KLHDC10: variants seen among roughly 807,000 people sequenced by gnomAD.
The protein encoded by KLHDC10 is kelch domain-containing protein 10.
Under a neutral mutation model 56.1 loss-of-function variants are expected in KLHDC10, and 24 were observed. The observed-to-expected ratio is 0.43, with a 90% CI of 0.31 to 0.60. The LOEUF is 0.60. KLHDC10 is among the 20% of genes least tolerant of loss of function. KLHDC10 has a pLI of 0.11. For synonymous variants in KLHDC10, 188 were observed against 207.1 expected, an observed-to-expected ratio of 0.91 and a Z score of 0.79; for missense variants, 349 against 567.0, an observed-to-expected ratio of 0.62 and a Z score of 3.91.
At chr7:130,082,083 C>T (rs752535721) in intron 1 of KLHDC10, among the ~76,000 whole-genome samples, 5 of 152,236 alleles carry the variant, frequency 3.3e-5, no homozygotes, top group African/African-American at 4.8e-5. Context: ...AAGGCCGAGG[C>T]GGGCAAAAAG....
chr7:130,103,647 C>CAT (rs1349657992), intron 2 of KLHDC10, among the ~76,000 whole-genome samples: 1 of 152,116 alleles, frequency 6.6e-6, no homozygotes, highest in Non-Finnish European at 1.5e-5. Flanking sequence ...AAGATAAATG[C>CAT]CTTCAGTGTT....
chr7:130,118,445 A>G (rs1452413325), intron 3 of KLHDC10, among the ~76,000 whole-genome samples: 2 of 152,190 alleles, frequency 1.3e-5, no homozygotes, highest in South Asian at 2.1e-4. Flanking sequence ...GCCTAAAGGG[A>G]ATGTTGTAGT....
intron 3 of KLHDC10, among the ~76,000 whole-genome samples, chr7:130,118,690 C>T (rs61058890): frequency 0.12 from 18,341 of 152,120 alleles, 1,300 homozygotes; most frequent in East Asian, 0.31. Flanking sequence ...AAGTTAGATA[C>T]GGTAGACTCT....
intron 2 of KLHDC10, among the ~76,000 whole-genome samples, chr7:130,099,389 C>T (rs1010503633): frequency 1.3e-5 from 2 of 152,122 alleles, no homozygotes; most frequent in East Asian, 1.9e-4. Flanking sequence ...GGTAAACAGA[C>T]AATTACAGAA....
chr7:130,091,912 T>C (rs551825769), intron 1 of KLHDC10, among the ~76,000 whole-genome samples: 19 of 152,346 alleles, frequency 1.2e-4, no homozygotes, highest in Non-Finnish European at 2.2e-4. Flanking sequence ...GGCCCTTGCA[T>C]ATAAAAAAAT....
chr7:130,072,198 A>T (rs961287640), intron 1 of KLHDC10, among the ~76,000 whole-genome samples: 1 of 152,192 alleles, frequency 6.6e-6, no homozygotes, highest in African/African-American at 2.4e-5. Context: ...ATCTCTTAGC[A>T]AACACTGTCA....
intron 1 of KLHDC10, among the ~76,000 whole-genome samples, chr7:130,087,494 T>C (rs1405719514): frequency 6.6e-6 from 1 of 152,098 alleles, no homozygotes. Context: ...TAAGACTAGA[T>C]AGTGAAGTGA....
intron 8 of KLHDC10, 43 bp downstream of exon 8, chr7:130,127,494 T>A: frequency 7.3e-7 from 1 of 1,368,188 alleles, no homozygotes; most frequent in Non-Finnish European, 1.0e-6. Flanking sequence ...TCTGTAATTG[T>A]ATCTTCTGAA....
At chr7:130,074,517 G>A (rs1243698954) in intron 1 of KLHDC10, among the ~76,000 whole-genome samples, 1 of 151,924 alleles carries the variant, frequency 6.6e-6, no homozygotes, top group Non-Finnish European at 1.5e-5. Context: ...TAACGCATTG[G>A]CATTATATAT....
chr7:130,125,365 A>G (rs1796300446), intron 6 of KLHDC10, among the ~76,000 whole-genome samples: 1 of 152,036 alleles, frequency 6.6e-6, no homozygotes. Flanking sequence ...AACATAGTGA[A>G]ACCCCATCTC....
Position 130,132,418 on chromosome 7 carries a change from A to T in KLHDC10, c.*1672A>T, listed in dbSNP as rs548067780. ...CATCTGGTGTTCAGTTCTGGGAAAG[A>T]GAAAACCGTAGCCTCCAGACATGCT... On this transcript the variant is annotated 3_prime_UTR_variant, in exon 10 of 10. Coordinates refer to ENST00000335420, the MANE Select transcript of KLHDC10 (RefSeq NM_014997.4). 3 of 152,258 alleles carry T rather than the reference A, an allele frequency of 2.0e-5. No homozygotes were observed. The South Asian group carries it at 6.2e-4, about 31-fold the overall frequency. 9.4% of individuals were successfully genotyped at this position (152,258 alleles called of 1,614,324 possible).
chr7:130,087,187 T>C (rs1241824761), intron 1 of KLHDC10, among the ~76,000 whole-genome samples: 1 of 152,228 alleles, frequency 6.6e-6, no homozygotes, highest in East Asian at 1.9e-4. Flanking sequence ...CCAGTTCTTT[T>C]TGTTACTAGT....
At chr7:130,126,058 G>T (rs1178289681) in intron 7 of KLHDC10, 127 bp downstream of exon 7, 1 of 689,326 alleles carries the variant, frequency 1.5e-6, no homozygotes, top group Non-Finnish European at 2.4e-6. Context: ...TGGGCGCATT[G>T]TCTCACGCCT....
intron 1 of KLHDC10, among the ~76,000 whole-genome samples, chr7:130,075,762 T>A (rs1795489400): frequency 6.6e-6 from 1 of 152,236 alleles, no homozygotes; most frequent in African/African-American, 2.4e-5. Context: ...AGTTTATGTT[T>A]CCCTGTTGTT....
At chr7:130,101,163 T>C (rs1795924012) in intron 2 of KLHDC10, among the ~76,000 whole-genome samples, 1 of 152,202 alleles carries the variant, frequency 6.6e-6, no homozygotes, top group Admixed American at 6.5e-5. Flanking sequence ...GATAATAGTA[T>C]CTACTTCCTA....
intron 1 of KLHDC10, among the ~76,000 whole-genome samples, chr7:130,085,018 T>C (rs897158773): frequency 6.6e-6 from 1 of 151,990 alleles, no homozygotes; most frequent in Admixed American, 6.6e-5. Context: ...TTTTTGGAAT[T>C]ATTAGCAAGC....
chr7:130,086,043 G>T (rs1000690971), intron 1 of KLHDC10, among the ~76,000 whole-genome samples: 1 of 151,946 alleles, frequency 6.6e-6, no homozygotes, highest in African/African-American at 2.4e-5. Context: ...AGAATTTTGA[G>T]GTGCAGCCTA....
At chr7:130,106,287 G>C (rs756028412) in intron 2 of KLHDC10, among the ~76,000 whole-genome samples, 25 of 152,132 alleles carry the variant, frequency 1.6e-4, no homozygotes, top group Non-Finnish European at 3.4e-4. Context: ...ACCATTAACA[G>C]GCGAGTCTTT....
chr7:130,079,165 C>G (rs1795562933), intron 1 of KLHDC10, among the ~76,000 whole-genome samples: 1 of 151,774 alleles, frequency 6.6e-6, no homozygotes, highest in Admixed American at 6.6e-5. Context: ...TCAAGTGATT[C>G]TCCTGGCTCA....
Sources: gnomAD v4.1 joint callset for allele counts (sites outside exome capture counted in the v4.1 genomes callset) on GRCh38, gnomAD v4.1.1 for gene constraint, MANE v1.5 for transcripts, NCBI Gene and HGNC (gene_info 2026-07-23, HGNC 2026-07-21) for gene names.